MBD5: variants seen among roughly 807,000 people sequenced by gnomAD.
MBD5 encodes the protein methyl-CpG-binding domain protein 5.
A neutral mutation model predicts 117.3 loss-of-function variants in MBD5; 13 were observed. That is an observed-to-expected ratio of 0.11 (90% confidence interval 0.07 to 0.18). MBD5 has a LOEUF of 0.18. Among genes scored for constraint, MBD5 ranks in the 10% least tolerant of loss-of-function variants. The pLI, the probability that MBD5 is intolerant of heterozygous loss-of-function variation, is 1.00. For missense variants in MBD5, 1,879 were observed against 2,093.8 expected, an observed-to-expected ratio of 0.90 and a Z score of 2.00; for synonymous variants, 727 against 766.4, an observed-to-expected ratio of 0.95 and a Z score of 0.85.
intron 4 of MBD5, among the ~76,000 whole-genome samples, chr2:148,437,086 G>A (rs954833349): frequency 1.1e-4 from 17 of 152,112 alleles, no homozygotes; most frequent in East Asian, 1.9e-4. Context: ...TGGCTCAAGC[G>A]ATTCTCCTGC....
At chr2:148,302,774 T>C (rs1276726336) in intron 3 of MBD5, among the ~76,000 whole-genome samples, 3 of 151,516 alleles carry the variant, frequency 2.0e-5, no homozygotes, top group Non-Finnish European at 2.9e-5. Context: ...GGCACTACAA[T>C]GTACACCACC....
At chr2:148,445,138 C>A (rs975039645) in intron 4 of MBD5, among the ~76,000 whole-genome samples, 1 of 150,910 alleles carries the variant, frequency 6.6e-6, no homozygotes, top group African/African-American at 2.5e-5. Flanking sequence ...TTTTTCTTTT[C>A]TTTTATTTTT....
intron 4 of MBD5, among the ~76,000 whole-genome samples, chr2:148,405,858 C>T (rs1705060322): frequency 6.6e-6 from 1 of 152,038 alleles, no homozygotes; most frequent in Non-Finnish European, 1.5e-5. Context: ...GTGGCTCCTG[C>T]CTGTAGTCTC....
At chr2:148,413,020 A>T (rs1574397984) in intron 4 of MBD5, among the ~76,000 whole-genome samples, 1 of 152,110 alleles carries the variant, frequency 6.6e-6, no homozygotes, top group African/African-American at 2.4e-5. Context: ...GAGAATAGAC[A>T]TCCATGTCTT....
chr2:148,063,656 A>G (rs1695101560), intron 1 of MBD5, among the ~76,000 whole-genome samples: 1 of 151,892 alleles, frequency 6.6e-6, no homozygotes, highest in Admixed American at 6.5e-5. Flanking sequence ...GGGCTCACTT[A>G]TTTATTTTTT....
chr2:148,502,129 ATC>A (rs1242584070), intron 11 of MBD5, among the ~76,000 whole-genome samples: 2 of 152,196 alleles, frequency 1.3e-5, no homozygotes, highest in East Asian at 1.9e-4. Context: ...GTGAACCAGG[ATC>A]TCTGATTTTT....
At chr2:148,120,510 T>C (rs1696745709) in intron 1 of MBD5, among the ~76,000 whole-genome samples, 2 of 152,350 alleles carry the variant, frequency 1.3e-5, no homozygotes, top group Admixed American at 6.5e-5. Flanking sequence ...TCTAACACTT[T>C]TGGTTATTCA....
At chr2:148,123,681 T>G (rs1194897589) in intron 1 of MBD5, among the ~76,000 whole-genome samples, 1 of 152,162 alleles carries the variant, frequency 6.6e-6, no homozygotes, top group Non-Finnish European at 1.5e-5. Flanking sequence ...GAGGTTAGGA[T>G]TAGTGAACAG....
chr2:148,105,725 T>A (rs1442488717), intron 1 of MBD5, among the ~76,000 whole-genome samples: 3 of 152,124 alleles, frequency 2.0e-5, no homozygotes, highest in African/African-American at 7.2e-5. Context: ...TTTTCCTTTG[T>A]TTCATTTTGT....
At chr2:148,079,320 A>G (rs528695885) in intron 1 of MBD5, among the ~76,000 whole-genome samples, 43 of 152,340 alleles carry the variant, frequency 2.8e-4, no homozygotes, top group Non-Finnish European at 4.3e-4. Context: ...CAAATGTTTT[A>G]CAGGATGATA....
chr2:148,215,307 AG>A (rs1444393954), intron 2 of MBD5, among the ~76,000 whole-genome samples: 4 of 152,364 alleles, frequency 2.6e-5, no homozygotes, highest in South Asian at 4.1e-4. Flanking sequence ...TGAGTAAATC[AG>A]TGACATAAAT....
At chr2:148,364,130 G>C (rs1034873620) in intron 4 of MBD5, among the ~76,000 whole-genome samples, 1 of 152,140 alleles carries the variant, frequency 6.6e-6, no homozygotes, top group African/African-American at 2.4e-5. Flanking sequence ...ATCCCATCAG[G>C]CTAACAGCAG....
At chr2:148,322,666 T>C (rs1702312670) in intron 3 of MBD5, among the ~76,000 whole-genome samples, 1 of 152,164 alleles carries the variant, frequency 6.6e-6, no homozygotes, top group African/African-American at 2.4e-5. Context: ...TTGCACAAAA[T>C]ATTTACGGAA....
chr2:148,318,000 T>G (rs1466615828), intron 3 of MBD5, among the ~76,000 whole-genome samples: 1 of 152,230 alleles, frequency 6.6e-6, no homozygotes, highest in African/African-American at 2.4e-5. Flanking sequence ...TGAATTGTAG[T>G]TCTATTCTTA....
At chr2:148,162,825 T>C (rs1340210113) in intron 1 of MBD5, among the ~76,000 whole-genome samples, 3 of 152,212 alleles carry the variant, frequency 2.0e-5, no homozygotes, top group Non-Finnish European at 2.9e-5. Flanking sequence ...CAAATATTAA[T>C]GTTTAGGGGC....
intron 8 of MBD5, chr2:148,471,011 C>T (rs1680778870): frequency 6.6e-6 from 1 of 151,774 alleles, no homozygotes; most frequent in Non-Finnish European, 1.5e-5. Flanking sequence ...GTTTGCTATC[C>T]TTATTATTTG....
At chr2:148,238,271 A>C (rs769834241) in intron 3 of MBD5, among the ~76,000 whole-genome samples, 23 of 152,366 alleles carry the variant, frequency 1.5e-4, no homozygotes, top group Admixed American at 5.2e-4. Flanking sequence ...AAACCACATT[A>C]GAAAACATTA....
At chr2:148,244,372 A>G (rs912818053) in intron 3 of MBD5, 2 of 152,212 alleles carry the variant, frequency 1.3e-5, no homozygotes, top group Non-Finnish European at 2.9e-5. Context: ...GGGTAAAAGT[A>G]CCACATTATG....
chr2:148,347,353 C>T (rs540975121), intron 4 of MBD5: 1 of 152,022 alleles, frequency 6.6e-6, no homozygotes, highest in East Asian at 1.9e-4. Context: ...CCAGTCTGGG[C>T]AACAGAGTGA....
Sources: gnomAD v4.1 joint callset for allele counts (sites outside exome capture counted in the v4.1 genomes callset) on GRCh38, gnomAD v4.1.1 for gene constraint, MANE v1.5 for transcripts, NCBI Gene and HGNC (gene_info 2026-07-23, HGNC 2026-07-21) for gene names.